VRK3: variants seen among roughly 807,000 people sequenced by gnomAD.
The protein encoded by VRK3 is serine/threonine-protein kinase VRK3.
A neutral mutation model predicts 60.4 loss-of-function variants in VRK3; 50 were observed. That is an observed-to-expected ratio of 0.83 (90% CI 0.66 to 1.05). The LOEUF (loss-of-function observed/expected upper bound fraction) is 1.05. Ranked by LOEUF, VRK3 falls within the 50% of genes least tolerant of loss-of-function variation. VRK3 has a pLI of 0.00. For synonymous variants in VRK3, 246 were observed against 227.8 expected (o/e 1.08, Z -0.72); for missense variants, 549 against 585.3 (o/e 0.94, Z 0.64).
rs916438110 is a variant in VRK3 at position 50,024,413 on chromosome 19, C to A, written c.-65+854G>T. On this transcript the variant is annotated intron_variant, in intron 1 of 14. Coordinates refer to ENST00000316763, the MANE Select transcript of VRK3 (RefSeq NM_016440.4). ...TTCAAAGCCAGGTGAGGTTGGCCTG[C>A]CAAGTAAGTTGCAAAACAGAGAAAA... Among the ~76,000 whole-genome samples the A allele has an allele frequency of 5.3e-5, 8 of 152,270 alleles. No individual in the cohort carries two copies. The East Asian group carries it at 1.5e-3, about 29-fold the overall frequency.
At chr19:50,004,347 C>T (rs2076858723) in intron 5 of VRK3, among the ~76,000 whole-genome samples, 1 of 152,074 alleles carries the variant, frequency 6.6e-6, no homozygotes, top group Non-Finnish European at 1.5e-5. Flanking sequence ...TTTCATCCTT[C>T]TCCCTTTCTC....
chr19:50,023,141 T>C (rs1038085889), intron 1 of VRK3, among the ~76,000 whole-genome samples: 6 of 152,366 alleles, frequency 3.9e-5, no homozygotes, highest in East Asian at 1.9e-4. Context: ...TCTGTTCAAA[T>C]GTCACCTTCT....
At chr19:50,024,529 T>G (rs1051206829) in intron 1 of VRK3, among the ~76,000 whole-genome samples, 7 of 152,214 alleles carry the variant, frequency 4.6e-5, no homozygotes, top group African/African-American at 1.7e-4. Flanking sequence ...TCTTTTTTAG[T>G]GTCTGGCATC....
At chr19:50,010,615 A>C (rs1454991089) in intron 3 of VRK3, among the ~76,000 whole-genome samples, 1 of 152,240 alleles carries the variant, frequency 6.6e-6, no homozygotes, top group Non-Finnish European at 1.5e-5. Flanking sequence ...ATTCTTGGTT[A>C]GGAACTCTCC....
Position 50,012,964 on chromosome 19 carries a change from G to A in VRK3, c.139+3060C>T, listed in dbSNP as rs960511044. Reference sequence around the variant, plus strand: ...GGGTGGATCATGAGGTCAGGAGATCGAGACCATCCTGGCTAACACGGTGAA... The same window carrying A: ...GGGTGGATCATGAGGTCAGGAGATCAAGACCATCCTGGCTAACACGGTGAA... On this transcript the variant is annotated intron_variant, in intron 3 of 14. Transcript: ENST00000316763. Among the ~76,000 whole-genome samples the A allele has an allele frequency of 4.0e-5, 6 of 151,866 alleles. No individual in the cohort carries two copies. In the East Asian group the frequency reaches 9.7e-4, roughly 24 times the overall value.
Position 50,009,401 on chromosome 19 carries a change from C to A in VRK3, c.140-16G>T. ...CTCTTTGAGCCTAAAGAAAGGCAGA[C>A]AAAATGCAGACTGGAGTTACAAAGG... On this transcript the variant is annotated splice_polypyrimidine_tract_variant and intron_variant, in intron 3 of 14. Coordinates refer to ENST00000316763, the MANE Select transcript of VRK3 (RefSeq NM_016440.4). The A allele has an allele frequency of 6.2e-7, 1 of 1,612,282 alleles. No homozygotes were observed. The highest frequency in any genetic ancestry group is 1.1e-5 in the South Asian group (1 of 90,950).
At chr19:50,019,328 G>A (rs192356572) in intron 2 of VRK3, 6,001 of 150,946 alleles carry the variant, frequency 0.04, 157 homozygotes, top group Non-Finnish European at 0.058. Flanking sequence ...TCAGTCTCCC[G>A]AGTAGCTAGG....
intron 4 of VRK3, 67 bp downstream of exon 4, chr19:50,009,169 C>T (rs2076953476): frequency 6.4e-7 from 1 of 1,550,696 alleles, no homozygotes; most frequent in Non-Finnish European, 8.8e-7. Flanking sequence ...AGTTTTGTCC[C>T]AAAGATCATC....
chr19:49,993,152 A>AG (rs765238003), intron 9 of VRK3, among the ~76,000 whole-genome samples, 200 bp from the exon 10 acceptor site: 4 of 152,214 alleles, frequency 2.6e-5, no homozygotes, highest in Admixed American at 6.5e-5. Context: ...TCAGGCTCTC[A>AG]GGAAGCTCAT....
chr19:49,984,987 G>A (rs2076487246), intron 12 of VRK3, among the ~76,000 whole-genome samples: 1 of 152,212 alleles, frequency 6.6e-6, no homozygotes, highest in Non-Finnish European at 1.5e-5. Context: ...GGATGTGTGT[G>A]TGTGTCACAG....
chr19:50,007,837 A>C lies in VRK3; in HGVS notation c.290-11T>G. ...GTCTGCTCCCGGAGCCTGCAGGAGGATGTAAGAATAAAGTAAAAGCACCAT... is the reference window on the plus strand; with the variant it reads ...GTCTGCTCCCGGAGCCTGCAGGAGGCTGTAAGAATAAAGTAAAAGCACCAT... On this transcript the variant is annotated splice_polypyrimidine_tract_variant and intron_variant, in intron 4 of 14. Coordinates refer to ENST00000316763, the MANE Select transcript of VRK3 (RefSeq NM_016440.4). The C allele has an allele frequency of 1.9e-6, 3 of 1,613,890 alleles. No individual in the cohort carries two copies. Among genetic ancestry groups the C allele is most frequent in the Non-Finnish European group, 2.5e-6 (3 of 1,179,934 alleles).
intron 2 of VRK3, chr19:50,018,969 T>C (rs1189412883): frequency 6.6e-6 from 1 of 151,352 alleles, no homozygotes; most frequent in Non-Finnish European, 1.5e-5. Context: ...ATCGAGACCA[T>C]CTTGGCTAAC....
At chr19:50,021,688 C>A (rs2077172676) in intron 1 of VRK3, among the ~76,000 whole-genome samples, 1 of 152,158 alleles carries the variant, frequency 6.6e-6, no homozygotes, top group Admixed American at 6.5e-5. Context: ...TCCATGGGCA[C>A]AAGAAATGGT....
rs534914304 is a variant in VRK3 at position 49,987,109 on chromosome 19, C to T, written c.1217+1263G>A. ...CAGGCTGGTCTCGAACTGCTGACCT[C>T]GAGATCCATCTGCCTTGGCCTCCCA... On this transcript the variant is annotated intron_variant, in intron 12 of 14. Transcript: ENST00000316763. Among the ~76,000 whole-genome samples the T allele has an allele frequency of 5.3e-5, 8 of 152,316 alleles. No individual in the cohort carries two copies. In the South Asian group the frequency reaches 1.4e-3, roughly 28 times the overall value.
intron 12 of VRK3, among the ~76,000 whole-genome samples, chr19:49,985,817 C>T (rs2076505313): frequency 6.6e-6 from 1 of 152,186 alleles, no homozygotes; most frequent in Non-Finnish European, 1.5e-5. Flanking sequence ...CACCAGTTCA[C>T]CTCATAAGCC....
At chr19:49,992,545 T>C (rs1396556155) in intron 10 of VRK3, among the ~76,000 whole-genome samples, 1 of 152,260 alleles carries the variant, frequency 6.6e-6, no homozygotes, top group East Asian at 1.9e-4. Flanking sequence ...TGAATATTAT[T>C]ATCATGCTTA....
At chr19:49,989,179 GC>G (rs1339274716) in intron 11 of VRK3, among the ~76,000 whole-genome samples, 1 of 152,104 alleles carries the variant, frequency 6.6e-6, no homozygotes, top group Non-Finnish European at 1.5e-5. Flanking sequence ...AGAAAGAGGG[GC>G]TCAAGAAATC....
At chr19:50,017,906 C>T (rs752949998) in intron 2 of VRK3, among the ~76,000 whole-genome samples, 3 of 152,192 alleles carry the variant, frequency 2.0e-5, no homozygotes, top group East Asian at 1.9e-4. Context: ...AGCAATCCTC[C>T]GGCCTCAGCC....
In VRK3 at chr19:49,978,892, G is replaced by A. The variant is rs148755870; in HGVS notation, c.*11+191C>T. ...ACTTTTCTTAAAGCCAAGTTGAGCC[G>A]GGTTTCTGCTACTTGCCATTCCTTG... On this transcript the variant is annotated intron_variant, in intron 14 of 14. Coordinates refer to ENST00000316763, the MANE Select transcript of VRK3 (RefSeq NM_016440.4). 659 of 487,938 alleles carry A rather than the reference G, an allele frequency of 1.4e-3. 2 individuals are homozygous for A. The highest frequency in any genetic ancestry group is 0.011 in the African/African-American group (549 of 49,986). The allele number at this position is 487,938 out of a possible 1,614,324, so 30.2% of individuals were successfully genotyped here.
Sources: allele counts gnomAD v4.1 joint callset (sites outside exome capture counted in the v4.1 genomes callset), GRCh38; gene constraint gnomAD v4.1.1; transcripts MANE v1.5; gene names NCBI Gene and HGNC (gene_info 2026-07-23, HGNC 2026-07-21).